The following GPC5 variants were observed in gnomAD, a reference collection of about 807,000 sequenced individuals.
GPC5 encodes the protein glypican-5.
GPC5 carries 47 observed loss-of-function variants against 53.9 expected under a neutral mutation model. The observed-to-expected ratio is 0.87, with a 90% CI of 0.69 to 1.11. The LOEUF is 1.11. Among genes scored for constraint, GPC5 ranks in the 50% most tolerant of loss-of-function variants. The pLI is 0.00. For synonymous variants in GPC5, 286 were observed against 263.3 expected (o/e 1.09, Z -0.84); for missense variants, 748 against 713.1 (o/e 1.05, Z -0.56).
chr13:92,250,419 T>C (rs922051719), intron 7 of GPC5, among the ~76,000 whole-genome samples: 1 of 152,148 alleles, frequency 6.6e-6, no homozygotes, highest in Non-Finnish European at 1.5e-5. Flanking sequence ...TCACTGAATG[T>C]GGTGCATAAA....
chr13:92,373,035 A>T (rs1166156861), intron 7 of GPC5, among the ~76,000 whole-genome samples: 1 of 152,202 alleles, frequency 6.6e-6, no homozygotes, highest in Non-Finnish European at 1.5e-5. Context: ...CAATGTAAGT[A>T]GTAAATAGTA....
chr13:91,674,608 C>T (rs557766572), intron 2 of GPC5, among the ~76,000 whole-genome samples: 7 of 142,838 alleles, frequency 4.9e-5, no homozygotes, highest in Non-Finnish European at 9.1e-5. Flanking sequence ...CATATATATG[C>T]GTATGTGTAT....
At chr13:92,658,684 GAT>G (rs369817102) in intron 7 of GPC5, among the ~76,000 whole-genome samples, 266 of 152,246 alleles carry the variant, frequency 1.7e-3, no homozygotes, top group African/African-American at 6.2e-3. Context: ...AGAAGGAAGA[GAT>G]AGGCATTTCA....
At chr13:92,151,824 A>G (rs567720682) in intron 7 of GPC5, among the ~76,000 whole-genome samples, 14 of 152,310 alleles carry the variant, frequency 9.2e-5, no homozygotes, top group Non-Finnish European at 1.6e-4. Flanking sequence ...TCAGAGTTTT[A>G]TGTGAGCTCA....
intron 3 of GPC5, among the ~76,000 whole-genome samples, chr13:91,704,060 C>G (rs1367435295): frequency 1.3e-5 from 2 of 152,092 alleles, no homozygotes; most frequent in African/African-American, 4.8e-5. Flanking sequence ...TCTGGTTGAT[C>G]TAGCCATTGT....
intron 6 of GPC5, among the ~76,000 whole-genome samples, chr13:91,972,986 T>C (rs1053640458): frequency 1.2e-4 from 19 of 152,174 alleles, no homozygotes; most frequent in Non-Finnish European, 1.5e-5. Context: ...TGGCGTTCTC[T>C]GTATTTCCTG....
chr13:92,045,054 G>C (rs893340110), intron 6 of GPC5, among the ~76,000 whole-genome samples: 46 of 152,164 alleles, frequency 3.0e-4, no homozygotes, highest in Admixed American at 3.0e-3. Flanking sequence ...TAGATGCATA[G>C]TTGGTTTAGA....
intron 7 of GPC5, among the ~76,000 whole-genome samples, chr13:92,671,621 C>T (rs1035320843): frequency 2.0e-5 from 3 of 152,094 alleles, no homozygotes; most frequent in Admixed American, 6.6e-5. Context: ...ATAAGTTTAC[C>T]TTAAATGGGC....
chr13:92,513,545 C>T (rs1017929418), intron 7 of GPC5, among the ~76,000 whole-genome samples: 80 of 25,332 alleles, frequency 3.2e-3, no homozygotes, highest in African/African-American at 8.2e-3. Flanking sequence ...CCTTTCTCTC[C>T]CTTTCCTTTC....
intron 6 of GPC5, among the ~76,000 whole-genome samples, chr13:92,031,766 ATATAT>A (rs2040848077): frequency 1.0e-5 from 1 of 95,418 alleles, no homozygotes; most frequent in Non-Finnish European, 2.0e-5. Context: ...ATTACATATT[ATATAT>A]AATATATAAT....
intron 2 of GPC5, among the ~76,000 whole-genome samples, chr13:91,589,864 A>G (rs1336557250): frequency 1.3e-5 from 2 of 152,128 alleles, no homozygotes; most frequent in African/African-American, 4.8e-5. Context: ...GAATTTCTAT[A>G]TCTCTTCCTT....
At chr13:91,709,144 C>A (rs1479700258) in intron 3 of GPC5, among the ~76,000 whole-genome samples, 2 of 152,102 alleles carry the variant, frequency 1.3e-5, no homozygotes, top group African/African-American at 4.8e-5. Context: ...TGGGTATTAC[C>A]AGCTGGGCAT....
intron 2 of GPC5, among the ~76,000 whole-genome samples, chr13:91,558,794 A>G (rs887621215): frequency 6.6e-5 from 10 of 152,044 alleles, no homozygotes; most frequent in Non-Finnish European, 1.5e-5. Context: ...TCATCCATGA[A>G]GGTCATGGCT....
chr13:92,220,817 AT>A (rs2042443173), intron 7 of GPC5, among the ~76,000 whole-genome samples: 1 of 152,058 alleles, frequency 6.6e-6, no homozygotes, highest in Non-Finnish European at 1.5e-5. Flanking sequence ...TAATACATTT[AT>A]TCATATATAA....
intron 6 of GPC5, among the ~76,000 whole-genome samples, chr13:92,122,179 G>A (rs1185055772): frequency 6.6e-6 from 1 of 152,126 alleles, no homozygotes; most frequent in Admixed American, 6.5e-5. Flanking sequence ...TATGTGGAGA[G>A]CAGGAAGCTT....
chr13:91,896,212 C>A (rs971006006), intron 5 of GPC5, among the ~76,000 whole-genome samples: 25 of 151,576 alleles, frequency 1.6e-4, no homozygotes, highest in African/African-American at 5.6e-4. Flanking sequence ...CTCCACCTCC[C>A]GGGTTCAAGC....
chr13:91,743,034 C>T (rs188305629), intron 4 of GPC5, among the ~76,000 whole-genome samples: 25 of 152,176 alleles, frequency 1.6e-4, no homozygotes, highest in African/African-American at 5.5e-4. Flanking sequence ...TAATTATTAC[C>T]GTGGGCCTAT....
chr13:92,541,154 T>C (rs1459985853), intron 7 of GPC5, among the ~76,000 whole-genome samples: 2 of 151,800 alleles, frequency 1.3e-5, no homozygotes, highest in South Asian at 2.1e-4. Flanking sequence ...ATAGAAAAAA[T>C]GTAAAAAATC....
chr13:92,145,936 G>A (rs577239266), intron 7 of GPC5, among the ~76,000 whole-genome samples: 4 of 152,100 alleles, frequency 2.6e-5, no homozygotes, highest in Non-Finnish European at 5.9e-5. Flanking sequence ...TGAATTAAAA[G>A]CACGATAAAT....
Sources: gnomAD v4.1 joint callset for allele counts (sites outside exome capture counted in the v4.1 genomes callset) on GRCh38, gnomAD v4.1.1 for gene constraint, MANE v1.5 for transcripts, NCBI Gene and HGNC (gene_info 2026-07-23, HGNC 2026-07-21) for gene names.